The following EPHB1 variants were observed in gnomAD, a reference collection of about 807,000 sequenced individuals.
EPHB1 encodes the protein ephrin type-B receptor 1.
EPHB1 carries 30 observed loss-of-function variants against 94.4 expected under a neutral mutation model. That is an observed-to-expected ratio of 0.32 (90% confidence interval 0.24 to 0.43). The LOEUF (loss-of-function observed/expected upper bound fraction) is 0.43, where lower values mean the gene tolerates loss of function less well. Among genes scored for constraint, EPHB1 ranks in the 20% least tolerant of loss-of-function variants. The pLI is 1.00. For synonymous variants in EPHB1, 522 were observed against 489.1 expected, an observed-to-expected ratio of 1.07 and a Z score of -0.89; for missense variants, 1,055 against 1,308.3, an observed-to-expected ratio of 0.81 and a Z score of 2.99.
intron 3 of EPHB1, among the ~76,000 whole-genome samples, chr3:135,093,250 C>T (rs780962607): frequency 7.2e-5 from 11 of 152,132 alleles, no homozygotes; most frequent in Non-Finnish European, 1.5e-4. Flanking sequence ...CATGATGGTT[C>T]ACAGAAAGGC....
chr3:134,995,125 T>C (rs1348297832), intron 3 of EPHB1, among the ~76,000 whole-genome samples: 1 of 152,178 alleles, frequency 6.6e-6, no homozygotes, highest in African/African-American at 2.4e-5. Flanking sequence ...TTTATAGCCA[T>C]GGCCAGCACC....
chr3:135,190,593 T>G (rs1942430308), intron 10 of EPHB1, among the ~76,000 whole-genome samples: 1 of 118,986 alleles, frequency 8.4e-6, no homozygotes, highest in Non-Finnish European at 1.8e-5. Flanking sequence ...CAGGTCTGTA[T>G]TGTCTAGTAC....
chr3:135,005,271 A>G (rs7645990), intron 3 of EPHB1, among the ~76,000 whole-genome samples: 5 of 152,122 alleles, frequency 3.3e-5, no homozygotes, highest in Non-Finnish European at 7.3e-5. Context: ...TAGGCTGGTC[A>G]GGGGTCAGGG....
intron 1 of EPHB1, among the ~76,000 whole-genome samples, chr3:134,888,196 G>C (rs992158094): frequency 2.6e-5 from 4 of 152,294 alleles, no homozygotes; most frequent in African/African-American, 7.2e-5. Flanking sequence ...GCCAGCCAGA[G>C]CACTGGGGGT....
Position 134,976,942 on chromosome 3 carries a change from T to G in EPHB1, c.805+24890T>G, listed in dbSNP as rs764746372. On this transcript the variant is annotated intron_variant, in intron 3 of 15. Coordinates refer to ENST00000398015, the MANE Select transcript of EPHB1 (RefSeq NM_004441.5). Reference sequence around the variant, plus strand: ...GGTGCTAGAGGGCATTCATTTCTATTTGAAACCCAGTTCATCAACATTACA... The same window carrying G: ...GGTGCTAGAGGGCATTCATTTCTATGTGAAACCCAGTTCATCAACATTACA... Among the ~76,000 whole-genome samples the G allele has an allele frequency of 1.3e-4, 20 of 152,334 alleles. 1 individual carries two copies. The Middle Eastern group carries it at 0.017, about 130-fold the overall frequency.
chr3:135,055,575 C>A (rs1439863527), intron 3 of EPHB1, among the ~76,000 whole-genome samples: 1 of 152,244 alleles, frequency 6.6e-6, no homozygotes, highest in Non-Finnish European at 1.5e-5. Flanking sequence ...TGACACACGT[C>A]ACCACTCACT....
chr3:135,065,051 TG>T (rs1937563712), intron 3 of EPHB1, among the ~76,000 whole-genome samples: 1 of 152,186 alleles, frequency 6.6e-6, no homozygotes, highest in Non-Finnish European at 1.5e-5. Context: ...TTTATTCCAC[TG>T]TGGTCTGAGA....
At chr3:135,178,945 T>C (rs374275097) in intron 9 of EPHB1, among the ~76,000 whole-genome samples, 17 of 152,232 alleles carry the variant, frequency 1.1e-4, no homozygotes, top group African/African-American at 4.1e-4. Flanking sequence ...TCCTGTACTT[T>C]GCTTAATGAC....
At chr3:135,188,025 C>T (rs536429553) in intron 10 of EPHB1, among the ~76,000 whole-genome samples, 2 of 146,178 alleles carry the variant, frequency 1.4e-5, no homozygotes, top group African/African-American at 5.1e-5. Flanking sequence ...ATGGAGAAAC[C>T]CTGTCTCTAC....
At chr3:134,922,084 C>G (rs890027157) in intron 1 of EPHB1, among the ~76,000 whole-genome samples, 2 of 152,194 alleles carry the variant, frequency 1.3e-5, no homozygotes, top group Admixed American at 1.3e-4. Flanking sequence ...AGAGTCGTGT[C>G]CTCTGCAGGA....
At chr3:135,032,748 C>G (rs961884155) in intron 3 of EPHB1, among the ~76,000 whole-genome samples, 37 of 152,332 alleles carry the variant, frequency 2.4e-4, no homozygotes, top group African/African-American at 8.7e-4. Context: ...GAAAATTTCT[C>G]TAATCACTGA....
intron 13 of EPHB1, among the ~76,000 whole-genome samples, chr3:135,243,709 T>C (rs1387923746): frequency 6.6e-6 from 1 of 151,866 alleles, no homozygotes; most frequent in Non-Finnish European, 1.5e-5. Context: ...AATTGAAAGG[T>C]TTTAAGGAAG....
At chr3:135,257,517 G>C (rs1368250607) in intron 15 of EPHB1, among the ~76,000 whole-genome samples, 2 of 152,172 alleles carry the variant, frequency 1.3e-5, no homozygotes, top group Non-Finnish European at 2.9e-5. Context: ...GTGCCTCCCA[G>C]TTAGGTTGCT....
intron 12 of EPHB1, among the ~76,000 whole-genome samples, chr3:135,216,726 GA>G (rs386397987): frequency 0.022 from 2,267 of 104,962 alleles, 56 homozygotes; most frequent in African/African-American, 0.076. Flanking sequence ...CTGTCTCAGG[GA>G]AAAAAAAAAA....
intron 15 of EPHB1, among the ~76,000 whole-genome samples, chr3:135,253,760 G>A (rs1440137889): frequency 6.6e-6 from 1 of 151,350 alleles, no homozygotes; most frequent in African/African-American, 2.4e-5. Context: ...AAAGGCATTG[G>A]TAGCTTGATG....
intron 3 of EPHB1, among the ~76,000 whole-genome samples, chr3:135,094,008 T>C (rs1938656989): frequency 6.6e-6 from 1 of 152,244 alleles, no homozygotes; most frequent in Admixed American, 6.5e-5. Flanking sequence ...CTGTAATTAA[T>C]TTTTTCTTGC....
At chr3:135,220,611 T>C (rs574880646) in intron 12 of EPHB1, among the ~76,000 whole-genome samples, 10 of 151,130 alleles carry the variant, frequency 6.6e-5, no homozygotes, top group Admixed American at 2.0e-4. Context: ...TTTTTTTTTT[T>C]CCTGGTCAGC....
At chr3:134,970,654 C>T (rs1444556695) in intron 3 of EPHB1, among the ~76,000 whole-genome samples, 1 of 151,830 alleles carries the variant, frequency 6.6e-6, no homozygotes, top group Non-Finnish European at 1.5e-5. Context: ...GAGTGATTAG[C>T]ACGTATTTGA....
At chr3:134,938,827 A>G (rs1161234160) in intron 2 of EPHB1, among the ~76,000 whole-genome samples, 1 of 152,134 alleles carries the variant, frequency 6.6e-6, no homozygotes, top group East Asian at 1.9e-4. Context: ...TGTATTGCAG[A>G]GGAGGAAGTC....
Sources: allele counts gnomAD v4.1 joint callset (sites outside exome capture counted in the v4.1 genomes callset), GRCh38; gene constraint gnomAD v4.1.1; transcripts MANE v1.5; gene names NCBI Gene and HGNC (gene_info 2026-07-23, HGNC 2026-07-21).